The following AQP7 variants were observed in gnomAD, a reference collection of about 807,000 sequenced individuals.
AQP7 encodes the protein aquaporin-7.
A neutral mutation model predicts 26.1 loss-of-function variants in AQP7; 22 were observed. The observed-to-expected ratio is 0.84, with a 90% CI of 0.60 to 1.20. AQP7 has a LOEUF of 1.20. Among genes scored for constraint, AQP7 ranks in the 50% most tolerant of loss-of-function variants. The pLI is 0.00. For missense variants in AQP7, 412 were observed against 457.5 expected (o/e 0.90, Z 0.91); for synonymous variants, 167 against 181.7 (o/e 0.92, Z 0.65).
chr9:33,396,757 C>G (rs4008634), intron 2 of AQP7, among the ~76,000 whole-genome samples: 5 of 149,496 alleles, frequency 3.3e-5, no homozygotes, highest in Non-Finnish European at 7.4e-5. Flanking sequence ...TCCACATGCC[C>G]CACGGTGCCC....
At chr9:33,392,169 C>T (rs1825467649) in intron 3 of AQP7, among the ~76,000 whole-genome samples, 1 of 152,036 alleles carries the variant, frequency 6.6e-6, no homozygotes, top group Non-Finnish European at 1.5e-5. Context: ...CAAAAATTGG[C>T]TGGGCATGGT....
chr9:33,395,308 C>G, intron 2 of AQP7, 113 bp from the exon 3 acceptor site: 1 of 843,984 alleles, frequency 1.2e-6, no homozygotes, highest in South Asian at 1.5e-5. Flanking sequence ...CTCGCCCACA[C>G]ACGCCTCCTC....
At chr9:33,396,036 A>T (rs955970217) in intron 2 of AQP7, among the ~76,000 whole-genome samples, 5 of 152,168 alleles carry the variant, frequency 3.3e-5, no homozygotes, top group Non-Finnish European at 5.9e-5. Flanking sequence ...GCACGGTTAG[A>T]TGGAAAGGTA....
intron 4 of AQP7, among the ~76,000 whole-genome samples, chr9:33,386,756 T>A (rs1824852176): frequency 6.6e-6 from 1 of 152,214 alleles, no homozygotes; most frequent in Non-Finnish European, 1.5e-5. Context: ...TTGCCTAAGA[T>A]GACCCAGCCA....
rs1386750098 is a variant in AQP7 at position 33,395,016 on chromosome 9, G to A, written c.144+62C>T. 2.8e-6 allele frequency: 4 copies of A among 1,405,740 alleles called. No homozygotes were observed. In the African/African-American group the frequency reaches 4.2e-5, roughly 15 times the overall value. The allele number at this position is 1,405,740 out of a possible 1,614,324, so 87.1% of individuals were successfully genotyped here. A position where few individuals can be genotyped will look rare whatever the true frequency, so the allele number is the denominator to read the frequency against. ...CAATGTGACCCATGGGGTCAGCATG[G>A]GGAGGGGGTCATGGACGGCCCTGGC... On this transcript the variant is annotated intron_variant, in intron 3 of 7. Transcript: ENST00000297988.
At chr9:33,386,670 C>T (rs1374019961) in intron 4 of AQP7, 129 bp from the exon 5 acceptor site, 27 of 1,294,084 alleles carry the variant, frequency 2.1e-5, no homozygotes, top group Non-Finnish European at 2.9e-5. Context: ...CTTGAGCCCT[C>T]ACAACCACCC....
intron 3 of AQP7, among the ~76,000 whole-genome samples, chr9:33,387,901 G>C (rs1004569442): frequency 2.0e-5 from 3 of 152,086 alleles, no homozygotes; most frequent in Non-Finnish European, 2.9e-5. Flanking sequence ...CTCCAGCTGT[G>C]GGTTCCTGGT....
chr9:33,385,578 A>T, intron 7 of AQP7, 71 bp downstream of exon 7: 1 of 1,558,520 alleles, frequency 6.4e-7, no homozygotes, highest in Non-Finnish European at 8.8e-7. Flanking sequence ...CCCTCACATC[A>T]CCCCCCACCC....
chr9:33,384,727 T>C lies in AQP7; in HGVS notation c.*278A>G. The C allele has an allele frequency of 3.0e-6, 1 of 332,742 alleles. No homozygotes were observed. The highest frequency in any genetic ancestry group is 5.5e-6 in the Non-Finnish European group (1 of 183,226). 20.6% of individuals were successfully genotyped at this position (332,742 alleles called of 1,614,324 possible). A position where few individuals can be genotyped will look rare whatever the true frequency, so the allele number is the denominator to read the frequency against. ...AAACCACCCTTCCTTCCCCCGTGCC[T>C]GAAAATCCCTCATTCTGTCGTTCTT... is the stretch of plus-strand genomic sequence containing the variant. On this transcript the variant is annotated 3_prime_UTR_variant, in exon 8 of 8. Transcript: ENST00000297988.
At chr9:33,399,590 G>T (rs1326665621) in intron 2 of AQP7, among the ~76,000 whole-genome samples, 2 of 151,502 alleles carry the variant, frequency 1.3e-5, no homozygotes, top group Non-Finnish European at 2.9e-5. Context: ...AACAGAGCAA[G>T]ACTCCATCTC....
Position 33,385,118 on chromosome 9 carries a change from A to T in AQP7, c.916T>A (p.Ser306Thr), listed in dbSNP as rs1447342994. 8.1e-6 allele frequency: 13 copies of T among 1,611,800 alleles called. No homozygotes were observed. The highest frequency in any genetic ancestry group is 1.3e-5 in the African/African-American group (1 of 74,816). Reference protein sequence around the residue: ...HGITVLPKMGSHEPTISPLTP... With the variant: ...HGITVLPKMGTHEPTISPLTP... Reference sequence around the variant, plus strand: ...AGGGGAGAGATCGTGGGTTCATGAGATCCCATCTTGGGCAATACGGTTATC... The same window carrying T: ...AGGGGAGAGATCGTGGGTTCATGAGTTCCCATCTTGGGCAATACGGTTATC... The change falls in exon 8 of 8, where the codon TCT (serine) becomes ACT (threonine). Residue 306 changes from serine to threonine, a missense_variant. Transcript: ENST00000297988.
chr9:33,401,014 C>T (rs1198573308), intron 2 of AQP7: 1 of 582,510 alleles, frequency 1.7e-6, no homozygotes, highest in Non-Finnish European at 3.1e-6. Flanking sequence ...TGACCCTCAT[C>T]CAAGTATTTC....
At chr9:33,397,087 T>C (rs10971487) in intron 2 of AQP7, among the ~76,000 whole-genome samples, 73,218 of 141,228 alleles carry the variant, frequency 0.52, 19,514 homozygotes, top group African/African-American at 0.66. Context: ...GGTGACAGAG[T>C]GACACCCTGT....
intron 3 of AQP7, among the ~76,000 whole-genome samples, chr9:33,392,271 G>A (rs752584356): frequency 1.3e-5 from 2 of 150,274 alleles, no homozygotes; most frequent in Non-Finnish European, 3.0e-5. Flanking sequence ...CTGAGATCGC[G>A]CCACTGTGAC....
chr9:33,394,502 C>CTT (rs1326776535), intron 3 of AQP7, among the ~76,000 whole-genome samples: 1 of 101,492 alleles, frequency 9.9e-6, no homozygotes, highest in African/African-American at 3.6e-5. Flanking sequence ...TTTTTTTTTT[C>CTT]TTTTTTTTTT....
At chr9:33,385,402 G>A in intron 7 of AQP7, 112 bp from the exon 8 acceptor site, 1 of 1,297,114 alleles carries the variant, frequency 7.7e-7, no homozygotes, top group Non-Finnish European at 1.1e-6. Context: ...GCTACCCCAG[G>A]AAACACCCCC....
chr9:33,395,722 C>A (rs200035395), intron 2 of AQP7, among the ~76,000 whole-genome samples: 5 of 152,304 alleles, frequency 3.3e-5, no homozygotes, highest in Admixed American at 2.6e-4. Flanking sequence ...CTGAAACAAG[C>A]GCCAGGTTCT....
chr9:33,390,184 T>G (rs1391944727), intron 3 of AQP7, among the ~76,000 whole-genome samples: 1 of 152,092 alleles, frequency 6.6e-6, no homozygotes, highest in Non-Finnish European at 1.5e-5. Context: ...TTGTGTTGTT[T>G]TCAGTGGAGA....
At chr9:33,399,931 G>A (rs1342119039) in intron 2 of AQP7, among the ~76,000 whole-genome samples, 1 of 152,126 alleles carries the variant, frequency 6.6e-6, no homozygotes, top group Non-Finnish European at 1.5e-5. Flanking sequence ...GGAGAGGGAA[G>A]TATGAAGGAC....
Sources: gnomAD v4.1 joint callset for allele counts (sites outside exome capture counted in the v4.1 genomes callset) on GRCh38, gnomAD v4.1.1 for gene constraint, MANE v1.5 for transcripts, NCBI Gene and HGNC (gene_info 2026-07-23, HGNC 2026-07-21) for gene names.